The following ZBTB16 variants were observed in gnomAD, a reference collection of about 807,000 sequenced individuals.
ZBTB16 encodes the protein zinc finger and BTB domain containing 16.
Under a neutral mutation model 56.8 loss-of-function variants are expected in ZBTB16, and 8 were observed. That is an observed-to-expected ratio of 0.14 (90% CI 0.08 to 0.25). The LOEUF (loss-of-function observed/expected upper bound fraction) is 0.25, where lower values mean the gene tolerates loss of function less well. Ranked by LOEUF, ZBTB16 falls within the 10% of genes least tolerant of loss-of-function variation. ZBTB16 has a pLI of 1.00. For missense variants in ZBTB16, 625 were observed against 903.0 expected, an observed-to-expected ratio of 0.69 and a Z score of 3.95; for synonymous variants, 363 against 368.5, an observed-to-expected ratio of 0.98 and a Z score of 0.17.
intron 2 of ZBTB16, among the ~76,000 whole-genome samples, chr11:114,074,661 T>A (rs1191468927): frequency 1.3e-5 from 2 of 152,174 alleles, no homozygotes; most frequent in Non-Finnish European, 2.9e-5. Flanking sequence ...GAACCAGTGC[T>A]CTCCTCCTGC....
At position 114,185,968 on chromosome 11, in the gene ZBTB16, G is replaced by A. The variant is rs143277955; in HGVS notation, c.1367-984G>A. Among the ~76,000 whole-genome samples, 241 of 152,312 alleles carry A rather than the reference G, an allele frequency of 1.6e-3. 3 individuals are homozygous for A. Among genetic ancestry groups the A allele is most frequent in the African/African-American group, 5.4e-3 (224 of 41,548 alleles). On this transcript the variant is annotated intron_variant, in intron 3 of 6. Coordinates refer to ENST00000335953, the MANE Select transcript of ZBTB16 (RefSeq NM_006006.6). ...GTATAGTAATAGGTTTCCAGTGTGT[G>A]TCAGGCAGATGCAGCTGTGCACAAG... is the stretch of plus-strand genomic sequence containing the variant.
chr11:114,148,379 T>C (rs1942170561), intron 2 of ZBTB16, among the ~76,000 whole-genome samples: 2 of 135,224 alleles, frequency 1.5e-5, no homozygotes, highest in African/African-American at 3.0e-5. Flanking sequence ...CTTCCTTCCT[T>C]CCTTCCTTCC....
intron 2 of ZBTB16, 21 bp from the exon 3 acceptor site, chr11:114,156,316 C>G (rs1942407991): frequency 2.5e-6 from 4 of 1,613,744 alleles, no homozygotes; most frequent in Non-Finnish European, 3.4e-6. Context: ...GCAGCAACCT[C>G]TCTTTTCCTT....
intron 2 of ZBTB16, among the ~76,000 whole-genome samples, chr11:114,134,325 A>T (rs564774859): frequency 1.3e-5 from 2 of 152,170 alleles, no homozygotes; most frequent in South Asian, 2.1e-4. Context: ...GTATTTTCAC[A>T]TGACAGCTTC....
intron 3 of ZBTB16, among the ~76,000 whole-genome samples, chr11:114,168,306 T>C (rs985497762): frequency 1.3e-5 from 2 of 152,198 alleles, no homozygotes; most frequent in Admixed American, 6.5e-5. Context: ...AAGACAAGGA[T>C]GGAAGGCGGG....
intron 2 of ZBTB16, among the ~76,000 whole-genome samples, chr11:114,089,063 C>T (rs1288868242): frequency 6.6e-6 from 1 of 152,232 alleles, no homozygotes; most frequent in Non-Finnish European, 1.5e-5. Flanking sequence ...CTCACCCCCA[C>T]CCAGTACCCA....
intron 4 of ZBTB16, among the ~76,000 whole-genome samples, chr11:114,235,675 TTTC>T (rs1486346142): frequency 5.6e-4 from 12 of 21,542 alleles, no homozygotes; most frequent in African/African-American, 1.2e-3. Flanking sequence ...TCTTTCTTTC[TTTC>T]TTTCTTTCTT....
At chr11:114,184,007 TTCTCCCTGCCTCC>T (rs1943309742) in intron 3 of ZBTB16, among the ~76,000 whole-genome samples, 1 of 152,214 alleles carries the variant, frequency 6.6e-6, no homozygotes, top group Non-Finnish European at 1.5e-5. Context: ...CACCATGGGA[TTCTCCCTGCCTCC>T]AGGTGAAATT....
intron 4 of ZBTB16, among the ~76,000 whole-genome samples, chr11:114,191,194 T>A (rs1943485835): frequency 6.6e-6 from 1 of 152,176 alleles, no homozygotes; most frequent in Admixed American, 6.5e-5. Context: ...GCATTGGGGA[T>A]TACAGTTCAA....
At chr11:114,138,545 G>A (rs899483353) in intron 2 of ZBTB16, among the ~76,000 whole-genome samples, 1 of 152,024 alleles carries the variant, frequency 6.6e-6, no homozygotes, top group Admixed American at 6.5e-5. Context: ...GCTCCTTGAA[G>A]GCATTGCCTG....
intron 3 of ZBTB16, among the ~76,000 whole-genome samples, chr11:114,159,957 T>G (rs1327435159): frequency 7.0e-6 from 1 of 142,098 alleles, no homozygotes; most frequent in Non-Finnish European, 1.5e-5. Context: ...GCGAGCATTT[T>G]TTTTCAAAAG....
intron 4 of ZBTB16, among the ~76,000 whole-genome samples, chr11:114,193,679 T>C (rs1021885085): frequency 3.3e-5 from 5 of 152,060 alleles, no homozygotes; most frequent in African/African-American, 4.8e-5. Flanking sequence ...CAGGGAGCGC[T>C]GAAAATGTCA....
At chr11:114,193,233 G>A (rs543641311) in intron 4 of ZBTB16, among the ~76,000 whole-genome samples, 3 of 152,314 alleles carry the variant, frequency 2.0e-5, no homozygotes, top group Admixed American at 6.5e-5. Context: ...CACATGTGGT[G>A]TGCTCAATAA....
At chr11:114,102,389 C>T (rs1940642187) in intron 2 of ZBTB16, among the ~76,000 whole-genome samples, 1 of 152,136 alleles carries the variant, frequency 6.6e-6, no homozygotes, top group East Asian at 1.9e-4. Context: ...AGACCGTCTT[C>T]TGGATCCTTG....
At chr11:114,164,811 T>C (rs1003726319) in intron 3 of ZBTB16, among the ~76,000 whole-genome samples, 2 of 152,132 alleles carry the variant, frequency 1.3e-5, no homozygotes, top group Non-Finnish European at 2.9e-5. Context: ...CTTTCAGTGC[T>C]CTTGTCCAGG....
chr11:114,066,955 A>G (rs11606084), intron 2 of ZBTB16, among the ~76,000 whole-genome samples: 6,147 of 151,888 alleles, frequency 0.04, 184 homozygotes, highest in Non-Finnish European at 0.063. Flanking sequence ...TATTTTTAGT[A>G]GAGACAGGGT....
intron 4 of ZBTB16, among the ~76,000 whole-genome samples, chr11:114,196,385 C>T (rs1455906955): frequency 1.9e-5 from 1 of 53,738 alleles, no homozygotes; most frequent in Non-Finnish European, 3.7e-5. Context: ...TACCTTTTCG[C>T]CAGTAAGAAA....
chr11:114,192,790 G>A (rs566015), intron 4 of ZBTB16, among the ~76,000 whole-genome samples: 88,190 of 151,550 alleles, frequency 0.58, 26,083 homozygotes, highest in African/African-American at 0.67. Flanking sequence ...TTGCTAGACC[G>A]CATGTAACTG....
At chr11:114,079,726 C>T (rs1591645348) in intron 2 of ZBTB16, among the ~76,000 whole-genome samples, 1 of 152,152 alleles carries the variant, frequency 6.6e-6, no homozygotes, top group East Asian at 1.9e-4. Flanking sequence ...CTGTGTCTGA[C>T]TCGGAAGGCA....
Sources: allele counts gnomAD v4.1 joint callset (sites outside exome capture counted in the v4.1 genomes callset), GRCh38; gene constraint gnomAD v4.1.1; transcripts MANE v1.5; gene names NCBI Gene and HGNC (gene_info 2026-07-23, HGNC 2026-07-21).